Variants in MELK observed in about 807,000 individuals in gnomAD.
The protein encoded by MELK is pEg3 kinase.
A neutral mutation model predicts 85.0 loss-of-function variants in MELK; 81 were observed. The observed-to-expected ratio is 0.95, with a 90% CI of 0.80 to 1.15. The LOEUF is 1.15. Among genes scored for constraint, MELK ranks in the 50% most tolerant of loss-of-function variants. The pLI is 0.00. For missense variants in MELK, 754 were observed against 777.5 expected (o/e 0.97, Z 0.36); for synonymous variants, 252 against 265.0 (o/e 0.95, Z 0.48).
rs529654075 is a variant in MELK at position 36,640,785 on chromosome 9, A to G, written c.835-2212A>G. On this transcript the variant is annotated intron_variant, in intron 10 of 17. Coordinates refer to ENST00000298048, the MANE Select transcript of MELK (RefSeq NM_014791.4). ...TTTTATAAGTGTAATAACCCCATTT[A>G]TGAGGGCAGAGCCCACTTGTGACCT... Among the ~76,000 whole-genome samples, 3 of 152,254 alleles carry G rather than the reference A, an allele frequency of 2.0e-5. No homozygotes were observed. The East Asian group carries it at 5.8e-4, about 29-fold the overall frequency.
At chr9:36,623,709 G>C (rs1376618663) in intron 8 of MELK, among the ~76,000 whole-genome samples, 2 of 152,222 alleles carry the variant, frequency 1.3e-5, no homozygotes, top group Admixed American at 6.5e-5. Flanking sequence ...CTTTCTTGCT[G>C]CACTGAGTAT....
At chr9:36,659,842 C>T (rs921126756) in intron 13 of MELK, among the ~76,000 whole-genome samples, 31 of 152,252 alleles carry the variant, frequency 2.0e-4, no homozygotes, top group African/African-American at 6.7e-4. Flanking sequence ...TCTTGTTGCC[C>T]AGGCTGGAGT....
At chr9:36,607,309 T>G (rs569952150) in intron 7 of MELK, among the ~76,000 whole-genome samples, 14 of 152,292 alleles carry the variant, frequency 9.2e-5, no homozygotes, top group African/African-American at 3.4e-4. Flanking sequence ...TTATTTTCTG[T>G]TAAGTGTTAG....
chr9:36,604,080 C>T (rs1170150231), intron 7 of MELK, among the ~76,000 whole-genome samples: 3 of 144,328 alleles, frequency 2.1e-5, no homozygotes, highest in Non-Finnish European at 4.6e-5. Context: ...AGCGATTCTC[C>T]TGCCTCAGCC....
At chr9:36,586,240 G>C (rs527919941) in intron 3 of MELK, among the ~76,000 whole-genome samples, 5 of 151,972 alleles carry the variant, frequency 3.3e-5, no homozygotes, top group Non-Finnish European at 7.4e-5. Flanking sequence ...CTACTTGCGG[G>C]GCTGAGGTGG....
intron 8 of MELK, among the ~76,000 whole-genome samples, chr9:36,621,129 G>C (rs946083873): frequency 1.3e-5 from 2 of 151,044 alleles, no homozygotes; most frequent in African/African-American, 4.9e-5. Context: ...AAATTTAGCC[G>C]GGCATAGTGG....
chr9:36,607,175 C>G (rs1420010252), intron 7 of MELK, among the ~76,000 whole-genome samples: 4 of 152,206 alleles, frequency 2.6e-5, no homozygotes, highest in African/African-American at 4.8e-5. Flanking sequence ...TGCTGATTAT[C>G]AATAAATTTT....
intron 8 of MELK, among the ~76,000 whole-genome samples, chr9:36,612,562 T>C (rs1355196910): frequency 6.6e-6 from 1 of 152,150 alleles, no homozygotes; most frequent in Non-Finnish European, 1.5e-5. Flanking sequence ...ATTTTGTATG[T>C]TTAGTAGAGA....
At chr9:36,619,471 C>T (rs1168324195) in intron 8 of MELK, among the ~76,000 whole-genome samples, 3 of 152,134 alleles carry the variant, frequency 2.0e-5, no homozygotes, top group Non-Finnish European at 2.9e-5. Flanking sequence ...ACCATACTTA[C>T]TTCTTGGTTA....
intron 12 of MELK, among the ~76,000 whole-genome samples, chr9:36,652,103 G>C (rs895798051): frequency 7.2e-6 from 1 of 139,654 alleles, no homozygotes; most frequent in Non-Finnish European, 1.5e-5. Context: ...CTGGAGTGCA[G>C]TGGCATGACC....
intron 8 of MELK, among the ~76,000 whole-genome samples, chr9:36,609,931 T>C (rs1825927326): frequency 6.6e-6 from 1 of 152,210 alleles, no homozygotes; most frequent in Non-Finnish European, 1.5e-5. Flanking sequence ...AGGAATGCCA[T>C]ATTATAACAG....
intron 1 of MELK, among the ~76,000 whole-genome samples, chr9:36,581,191 G>A (rs1225938653): frequency 1.3e-5 from 2 of 151,788 alleles, no homozygotes; most frequent in African/African-American, 4.8e-5. Flanking sequence ...TTGTATAGAA[G>A]TGCTTAGTTT....
At chr9:36,574,576 C>T (rs1470057426) in intron 1 of MELK, among the ~76,000 whole-genome samples, 6 of 151,858 alleles carry the variant, frequency 4.0e-5, no homozygotes, top group Non-Finnish European at 5.9e-5. Context: ...GCACTCCAGC[C>T]TAGGTGACAG....
intron 8 of MELK, among the ~76,000 whole-genome samples, chr9:36,609,380 G>A (rs1439385126): frequency 6.6e-6 from 1 of 151,512 alleles, no homozygotes; most frequent in Non-Finnish European, 1.5e-5. Flanking sequence ...AACATCTTGT[G>A]TTCCATAGCA....
rs184322276 is a variant in MELK, at chr9:36,624,064, A to T, written c.667-6235A>T. On this transcript the variant is annotated intron_variant, in intron 8 of 17. Coordinates refer to ENST00000298048, the MANE Select transcript of MELK (RefSeq NM_014791.4). ...AACCCTAGCAAAATTTCTATGCAGT[A>T]GGTATCGTTATTATACTTCTTTTTT... 3.4e-3 allele frequency among the ~76,000 whole-genome samples: 508 copies of T among 151,022 alleles called. 8 individuals are homozygous for T. The highest frequency in any genetic ancestry group is 3.9e-3 in the Non-Finnish European group (262 of 67,768).
chr9:36,622,236 A>G (rs1827515923), intron 8 of MELK, among the ~76,000 whole-genome samples: 1 of 152,140 alleles, frequency 6.6e-6, no homozygotes, highest in Non-Finnish European at 1.5e-5. Context: ...AATTTATTGT[A>G]ATCTTGGCTC....
intron 3 of MELK, among the ~76,000 whole-genome samples, chr9:36,584,222 G>A (rs141693057): frequency 2.2e-4 from 33 of 151,554 alleles, no homozygotes; most frequent in African/African-American, 7.7e-4. Context: ...AGCCAGGATG[G>A]TCTCAATCTC....
chr9:36,659,927 G>A (rs549922224), intron 13 of MELK, among the ~76,000 whole-genome samples: 1 of 152,152 alleles, frequency 6.6e-6, no homozygotes, highest in South Asian at 2.1e-4. Flanking sequence ...AGCCTCCCAT[G>A]GAGCTGGGAT....
chr9:36,627,402 C>G (rs184245182), intron 8 of MELK, among the ~76,000 whole-genome samples: 12 of 152,180 alleles, frequency 7.9e-5, no homozygotes, highest in Admixed American at 7.9e-4. Context: ...GACTGACCTA[C>G]AAGTGTTTCC....
Sources: allele counts gnomAD v4.1 joint callset (sites outside exome capture counted in the v4.1 genomes callset), GRCh38; gene constraint gnomAD v4.1.1; transcripts MANE v1.5; gene names NCBI Gene and HGNC (gene_info 2026-07-23, HGNC 2026-07-21).